ARHGAP26: variants seen among roughly 807,000 people sequenced by gnomAD.
ARHGAP26 encodes the protein rho GTPase-activating protein 26.
In ARHGAP26, 38 loss-of-function variants were observed where a neutral mutation model predicts 104.8. The ratio of observed to expected loss-of-function variants is 0.36; its 90% CI spans 0.28 to 0.48. ARHGAP26 has a LOEUF of 0.48. ARHGAP26 is among the 20% of genes least tolerant of loss of function. The probability of loss-of-function intolerance (pLI) is 0.99; values close to 1 mark genes in which losing one functional copy is unlikely to be tolerated. For synonymous variants in ARHGAP26, 341 were observed against 340.0 expected (o/e 1.00, Z -0.03); for missense variants, 704 against 947.9 (o/e 0.74, Z 3.38).
chr5:142,860,627 G>C (rs1180376460), intron 1 of ARHGAP26: 1 of 152,190 alleles, frequency 6.6e-6, no homozygotes, highest in Non-Finnish European at 1.5e-5. Context: ...ACATGATTGA[G>C]AACATGTTTT....
chr5:142,772,165 T>C (rs1297286205), intron 1 of ARHGAP26, among the ~76,000 whole-genome samples: 1 of 152,238 alleles, frequency 6.6e-6, no homozygotes, highest in Non-Finnish European at 1.5e-5. Flanking sequence ...AGATGTCATT[T>C]TGTCAGCTTG....
At chr5:142,960,864 T>C (rs1770114752) in intron 11 of ARHGAP26, among the ~76,000 whole-genome samples, 1 of 152,240 alleles carries the variant, frequency 6.6e-6, no homozygotes, top group Non-Finnish European at 1.5e-5. Context: ...GCTGTTCTGC[T>C]GGTCTTCAGT....
At chr5:142,951,874 G>T (rs1319812971) in intron 11 of ARHGAP26, among the ~76,000 whole-genome samples, 2 of 152,202 alleles carry the variant, frequency 1.3e-5, no homozygotes, top group Non-Finnish European at 2.9e-5. Context: ...AACTGGGTGG[G>T]TTACAATAAC....
At chr5:143,097,883 C>G (rs1163170726) in intron 17 of ARHGAP26, among the ~76,000 whole-genome samples, 7 of 149,896 alleles carry the variant, frequency 4.7e-5, no homozygotes, top group Non-Finnish European at 1.5e-5. Context: ...TTTTTTAATT[C>G]AGATGTCTCT....
chr5:143,174,765 A>T (rs1803248992), intron 20 of ARHGAP26, among the ~76,000 whole-genome samples: 1 of 152,204 alleles, frequency 6.6e-6, no homozygotes, highest in Admixed American at 6.5e-5. Context: ...TTTTAGCAAT[A>T]TGGGATTACA....
At chr5:142,897,030 A>T (rs1235482439) in intron 6 of ARHGAP26, among the ~76,000 whole-genome samples, 1 of 152,210 alleles carries the variant, frequency 6.6e-6, no homozygotes, top group Non-Finnish European at 1.5e-5. Context: ...TAGCTTTAAA[A>T]GTATGTATTT....
intron 3 of ARHGAP26, among the ~76,000 whole-genome samples, chr5:142,878,429 G>A (rs183692): frequency 6.3e-4 from 96 of 152,256 alleles, no homozygotes; most frequent in Non-Finnish European, 6.2e-4. Flanking sequence ...TCATTTAGTC[G>A]TTCAAATATG....
intron 17 of ARHGAP26, among the ~76,000 whole-genome samples, chr5:143,097,360 GAAAAAAAAAAA>G (rs56116431): frequency 1.4e-4 from 9 of 63,262 alleles, no homozygotes; most frequent in African/African-American, 3.0e-4. Context: ...TCAAAAAAAA[GAAAAAAAAAAA>G]AAAAAAAAAA....
At chr5:143,007,126 C>A (rs1778087690) in intron 11 of ARHGAP26, among the ~76,000 whole-genome samples, 1 of 142,714 alleles carries the variant, frequency 7.0e-6, no homozygotes, top group East Asian at 2.0e-4. Flanking sequence ...ACCCAGGAGG[C>A]AGAAGTTGCA....
At chr5:142,789,068 A>G (rs1475351672) in intron 1 of ARHGAP26, among the ~76,000 whole-genome samples, 4 of 152,214 alleles carry the variant, frequency 2.6e-5, no homozygotes, top group Non-Finnish European at 4.4e-5. Flanking sequence ...CTATTGTTAT[A>G]CTGCTGACTA....
At chr5:142,913,458 T>C (rs1762094412) in intron 10 of ARHGAP26, among the ~76,000 whole-genome samples, 165 bp downstream of exon 10, 1 of 151,194 alleles carries the variant, frequency 6.6e-6, no homozygotes, top group South Asian at 2.1e-4. Flanking sequence ...CATTCATCTA[T>C]GTCCAGGGTG....
chr5:143,030,570 T>C (rs920404454), intron 12 of ARHGAP26, among the ~76,000 whole-genome samples: 7 of 152,162 alleles, frequency 4.6e-5, no homozygotes, highest in African/African-American at 9.7e-5. Flanking sequence ...GATCAGCCTA[T>C]TCATTTCTTT....
At chr5:143,042,014 T>A in intron 14 of ARHGAP26, 124 bp downstream of exon 14, 1 of 778,348 alleles carries the variant, frequency 1.3e-6, no homozygotes, top group African/African-American at 1.7e-5. Flanking sequence ...AGCTGTCACC[T>A]AGAAGTCATC....
intron 14 of ARHGAP26, among the ~76,000 whole-genome samples, chr5:143,048,303 C>G (rs540458842): frequency 2.3e-4 from 35 of 152,164 alleles, no homozygotes; most frequent in African/African-American, 8.2e-4. Context: ...CTCTTTCACC[C>G]ACGCTGGAAT....
At chr5:143,121,918 A>T (rs185275656) in intron 18 of ARHGAP26, among the ~76,000 whole-genome samples, 1 of 152,354 alleles carries the variant, frequency 6.6e-6, no homozygotes, top group East Asian at 1.9e-4. Flanking sequence ...CTAATAAAAA[A>T]TGCTGTTTCT....
intron 1 of ARHGAP26, among the ~76,000 whole-genome samples, chr5:142,786,016 C>T (rs1758543141): frequency 1.3e-5 from 2 of 151,078 alleles, no homozygotes; most frequent in South Asian, 4.2e-4. Flanking sequence ...CTTGTCTTGT[C>T]ACCCAGTGTG....
intron 17 of ARHGAP26, among the ~76,000 whole-genome samples, chr5:143,076,969 A>T (rs12189299): frequency 9.5e-4 from 144 of 152,350 alleles, no homozygotes; most frequent in Non-Finnish European, 1.6e-3. Context: ...ATCCTTTTGC[A>T]CATGTGTGAG....
At chr5:143,055,164 A>T (rs1355057246) in intron 15 of ARHGAP26, among the ~76,000 whole-genome samples, 1 of 152,236 alleles carries the variant, frequency 6.6e-6, no homozygotes, top group African/African-American at 2.4e-5. Context: ...GAAGGACAGG[A>T]ATACCATAGT....
At chr5:143,012,540 T>TATATATACATAC (rs1158338407) in intron 11 of ARHGAP26, among the ~76,000 whole-genome samples, 1,107 of 40,756 alleles carry the variant, frequency 0.027, 176 homozygotes, top group African/African-American at 0.086. Flanking sequence ...GATATATTTA[T>TATATATACATAC]ATACATACAT....
Sources: gnomAD v4.1 joint callset for allele counts (sites outside exome capture counted in the v4.1 genomes callset) on GRCh38, gnomAD v4.1.1 for gene constraint, MANE v1.5 for transcripts, NCBI Gene and HGNC (gene_info 2026-07-23, HGNC 2026-07-21) for gene names.